The following BHLHE41 variants were observed in gnomAD, a reference collection of about 807,000 sequenced individuals.
BHLHE41 encodes the protein basic helix-loop-helix family member e41, also known as class E basic helix-loop-helix protein 41.
A neutral mutation model predicts 24.0 loss-of-function variants in BHLHE41; 14 were observed. The observed-to-expected ratio is 0.58, with a 90% confidence interval of 0.39 to 0.91. BHLHE41 has a LOEUF of 0.91. BHLHE41 is among the 40% of genes least tolerant of loss of function. The probability of loss-of-function intolerance (pLI) is 0.00; values close to 1 mark genes in which losing one functional copy is unlikely to be tolerated. For synonymous variants in BHLHE41, 394 were observed against 315.5 expected (o/e 1.25, Z -2.64); for missense variants, 674 against 655.4 (o/e 1.03, Z -0.31).
rs368925183 is a variant in BHLHE41 at position 26,122,032 on chromosome 12, C to G, written c.*34G>C. ...CTTAAGGGTATTTTAACTTCTCACT[C>G]TGCTTGAACCTCCGTCCTTCGGGAC... On this transcript the variant is annotated 3_prime_UTR_variant, in exon 5 of 5. Transcript: ENST00000242728. The G allele has an allele frequency of 5.2e-6, 8 of 1,548,224 alleles. No individual in the cohort carries two copies. The highest frequency in any genetic ancestry group is 7.0e-6 in the Non-Finnish European group (8 of 1,145,748).
In BHLHE41 at chr12:26,122,369, G is replaced by T. The variant is rs1944316627; in HGVS notation, c.1146C>A (p.Ala382=). Residue 382 remains alanine (A), a synonymous_variant, in exon 5 of 5, where the codon GCC becomes GCA. Transcript: ENST00000242728. ...CGGGGTATAGCAGCGGGAACGGGGC[G>T]GCAGCCGCCGCCGGGTACAGATACT... ...LEKYLYPAAA[A]APFPLLYPGI... 5.8e-6 allele frequency: 7 copies of T among 1,196,690 alleles called. No homozygotes were observed. Among genetic ancestry groups the T allele is most frequent in the African/African-American group, 3.2e-5 (2 of 62,094 alleles). The allele number at this position is 1,196,690 out of a possible 1,614,324, so 74.1% of individuals were successfully genotyped here. A position where few individuals can be genotyped will look rare whatever the true frequency, so the allele number is the denominator to read the frequency against.
chr12:26,122,847 C>G lies in BHLHE41; in HGVS notation c.668G>C (p.Arg223Pro), dbSNP rs1240463456. 1.3e-6 allele frequency: 2 copies of G among 1,574,502 alleles called. No homozygotes were observed. Among genetic ancestry groups the G allele is most frequent in the Non-Finnish European group, 1.7e-6 (2 of 1,162,612 alleles). ...PLAYCVPVIQ[R>P]TQPSAELAAE... ...GGCGAGCTCGGCGCTGGGCTGAGTC[C>G]GCTGGATGACGGGCACGCAGTAGGC... Residue 223 changes from arginine (R) to proline (P), a missense_variant, in exon 5 of 5, where the codon CGG (arginine) becomes CCG (proline). Physicochemically the swap from Arg to Pro is moderately radical, Grantham distance 103. This residue lies in a region of BHLHE41 where 602 missense variants were observed against 570.8 expected (regional missense o/e 1.05). Transcript: ENST00000242728.
chr12:26,124,755 G>A lies in BHLHE41; in HGVS notation c.25C>T (p.Gln9Ter). Reference sequence around the variant, plus strand: ...CTATGTTCCAGTAACTGTCTCTCTTGCAAATGAGGAATTCCTTCGTCCATG... The same window carrying A: ...CTATGTTCCAGTAACTGTCTCTCTTACAAATGAGGAATTCCTTCGTCCATG... MDEGIPHL[Q>*]ERQLLEHRDF... Residue 9 changes from glutamine to a stop codon, truncating the protein, a stop_gained, in exon 1 of 5, where the codon CAA becomes TAA. Transcript: ENST00000242728. LOFTEE classifies it high-confidence loss of function. 1 of 1,614,170 alleles carries A rather than the reference G, an allele frequency of 6.2e-7. No homozygotes were observed. Among genetic ancestry groups the A allele is most frequent in the Non-Finnish European group, 8.5e-7 (1 of 1,180,030 alleles).
intron 2 of BHLHE41, 47 bp downstream of exon 2, chr12:26,124,468 CTAAT>C (rs1421803332): frequency 1.9e-6 from 3 of 1,563,960 alleles, no homozygotes; most frequent in African/African-American, 1.4e-5. Flanking sequence ...ATCAATGGCT[CTAAT>C]TAACTACCCA....
chr12:26,123,200 G>T (rs781226873), intron 4 of BHLHE41, 32 bp from the exon 5 acceptor site: 1 of 1,544,644 alleles, frequency 6.5e-7, no homozygotes, highest in South Asian at 1.3e-5. Flanking sequence ...GGTGGGGGAC[G>T]GAGGAGTGGA....
In BHLHE41 at chr12:26,121,533, T is replaced by G. The variant is rs1330443746; in HGVS notation, c.*533A>C. The G allele has an allele frequency of 1.3e-5, 2 of 153,244 alleles. No homozygotes were observed. Among genetic ancestry groups the G allele is most frequent in the Non-Finnish European group, 2.9e-5 (2 of 68,498 alleles). 9.5% of individuals were successfully genotyped at this position (153,244 alleles called of 1,614,324 possible). A position where few individuals can be genotyped will look rare whatever the true frequency, so the allele number is the denominator to read the frequency against. On this transcript the variant is annotated 3_prime_UTR_variant, in exon 5 of 5. Transcript: ENST00000242728. ...GAGTAAATTCAATTCTAAAAGAGCC[T>G]CAATCTGTTTGTGGAACGCCTCCTA...
chr12:26,124,541 C>T lies in BHLHE41; in HGVS notation c.104G>A (p.Ser35Asn), dbSNP rs2137390092. ...SSLYMCKPKR[S>N]MKRDDTKDTY... ...TACCTTGGTGTCGTCTCGTTTCATG[C>T]TCCTTTTGGGTTTACACATATACAA... The change falls in exon 2 of 5, where the codon AGC becomes AAC. Residue 35 changes from serine (S) to asparagine (N), a missense_variant. Ser to Asn is a conservative substitution (Grantham distance 46). Coordinates refer to ENST00000242728, the MANE Select transcript of BHLHE41 (RefSeq NM_030762.3). 1 of 1,614,182 alleles carries T rather than the reference C, an allele frequency of 6.2e-7. No individual in the cohort carries two copies. The highest frequency in any genetic ancestry group is 8.5e-7 in the Non-Finnish European group (1 of 1,180,038).
Position 26,122,660 on chromosome 12 carries a change from G to A in BHLHE41, c.855C>T (p.Arg285=). The A allele has an allele frequency of 7.2e-7, 1 of 1,396,558 alleles. No individual in the cohort carries two copies. Among genetic ancestry groups the A allele is most frequent in the Non-Finnish European group, 9.3e-7 (1 of 1,071,620 alleles). The allele number at this position is 1,396,558 out of a possible 1,614,324, so 86.5% of individuals were successfully genotyped here. A position where few individuals can be genotyped will look rare whatever the true frequency, so the allele number is the denominator to read the frequency against. Residue 285 remains arginine, a synonymous_variant, in exon 5 of 5, where the codon CGC becomes CGT. Coordinates refer to ENST00000242728, the MANE Select transcript of BHLHE41 (RefSeq NM_030762.3). ...CCGGGCCGCCGCCGCTGCCGCCGCCGCGGGAATCCAGCTTCATCCTCTTGG... is the reference window on the plus strand; with the variant it reads ...CCGGGCCGCCGCCGCTGCCGCCGCCACGGGAATCCAGCTTCATCCTCTTGG... The part of the protein sequence containing the change: ...PAPKRMKLDS[R]GGGSGGGPGG...
Position 26,120,822 on chromosome 12 carries a change from A to AAAT in BHLHE41, c.*1241_*1243dup, listed in dbSNP as rs1944297664. The AAAT allele has an allele frequency of 6.5e-6, 1 of 152,684 alleles. No homozygotes were observed. Among genetic ancestry groups the AAAT allele is most frequent in the Non-Finnish European group, 1.5e-5 (1 of 68,044 alleles). 9.5% of individuals were successfully genotyped at this position (152,684 alleles called of 1,614,324 possible). A position where few individuals can be genotyped will look rare whatever the true frequency, so the allele number is the denominator to read the frequency against. The stretch of plus-strand genomic sequence containing the variant: ...CAGTGCTACCTTGGCAACAAACTAA[A>AAAT]AATATCTAGACAAGGTCTTGGTTTA... On this transcript the variant is annotated 3_prime_UTR_variant, in exon 5 of 5. Transcript: ENST00000242728.
Position 26,122,578 on chromosome 12 carries a change from C to A in BHLHE41, c.937G>T (p.Ala313Ser). ...GCGGCGTCGGGTCTCAGCAGCGCGG[C>A]CGCGGCGGCAGGGTCGGGCCCCAGA... is the stretch of plus-strand genomic sequence containing the variant. ...ALLGPDPAAAAALLRPDAALL... is the reference protein window; with the variant it reads ...ALLGPDPAAASALLRPDAALL... The change falls in exon 5 of 5, where the codon GCC (alanine) becomes TCC (serine). Residue 313 changes from alanine to serine, a missense_variant. By Grantham distance (99) the Ala-to-Ser change is moderately conservative. Around this residue, in one of 3 missense-constraint regions of BHLHE41, gnomAD observed 602 missense variants for 570.8 expected, o/e 1.05. Transcript: ENST00000242728. 9.0e-7 allele frequency: 1 copy of A among 1,114,480 alleles called. No homozygotes were observed. Among genetic ancestry groups the A allele is most frequent in the Non-Finnish European group, 1.1e-6 (1 of 914,222 alleles). The allele number at this position is 1,114,480 out of a possible 1,614,324, so 69.0% of individuals were successfully genotyped here. A position where few individuals can be genotyped will look rare whatever the true frequency, so the allele number is the denominator to read the frequency against.
At chr12:26,123,940 A>C in intron 3 of BHLHE41, 132 bp downstream of exon 3, 1 of 780,578 alleles carries the variant, frequency 1.3e-6, no homozygotes, top group South Asian at 1.5e-5. Flanking sequence ...GTTTGCGGGA[A>C]ACTCTGTACG....
rs746215715 is a variant in BHLHE41 at position 26,122,414 on chromosome 12, C to T, written c.1101G>A (p.Leu367=). The change falls in exon 5 of 5, where the codon CTG becomes CTA. Residue 367 remains leucine, a synonymous_variant. Transcript: ENST00000242728. ...GATACTTCTCCAGGCCGCTCTTGTC[C>T]AGGAAGGGCTGCACGTAGGCGGCAG... ...SAAAAYVQPF[L]DKSGLEKYLY... is the part of the protein sequence containing the mutation. 38 of 1,319,364 alleles carry T rather than the reference C, an allele frequency of 2.9e-5. No homozygotes were observed. Among genetic ancestry groups the T allele is most frequent in the Non-Finnish European group, 3.3e-5 (34 of 1,025,198 alleles). 81.7% of individuals were successfully genotyped at this position (1,319,364 alleles called of 1,614,324 possible).
Position 26,122,759 on chromosome 12 carries a change from G to A in BHLHE41, c.756C>T (p.Arg252=). The A allele has an allele frequency of 6.3e-7, 1 of 1,595,288 alleles. No homozygotes were observed. Residue 252 remains arginine (R), a synonymous_variant, in exon 5 of 5, where the codon CGC becomes CGT. Coordinates refer to ENST00000242728, the MANE Select transcript of BHLHE41 (RefSeq NM_030762.3). ...TCGCCCCCGCGCCTTTGCCTTTCTCGCGGTCCGGCCGGGCCTCGGCTTCGC... is the reference window on the plus strand; with the variant it reads ...TCGCCCCCGCGCCTTTGCCTTTCTCACGGTCCGGCCGGGCCTCGGCTTCGC... ...YGGEAEARPD[R]EKGKGAGASR...
intron 3 of BHLHE41, 61 bp from the exon 4 acceptor site, chr12:26,123,802 T>C (rs1218217479): frequency 1.2e-5 from 13 of 1,104,074 alleles, no homozygotes; most frequent in Middle Eastern, 3.9e-4. Flanking sequence ...TTTGGCTTAA[T>C]TGGCTGTCCA....
At position 26,124,105 on chromosome 12, in the gene BHLHE41, C is replaced by T; in HGVS notation, c.201G>A (p.Leu67=). The change falls in exon 3 of 5, where the codon CTG becomes CTA. Residue 67 remains leucine (L), a synonymous_variant. Transcript: ENST00000242728. ...RDRINECIAQ[L]KDLLPEHLKL... ...TCAGATGTTCAGGCAGTAAATCTTT[C>T]AGCTGAGCAATGCATTCATTAATTC... The T allele has an allele frequency of 6.2e-7, 1 of 1,612,662 alleles. No individual in the cohort carries two copies. Among genetic ancestry groups the T allele is most frequent in the Non-Finnish European group, 8.5e-7 (1 of 1,178,700 alleles).
chr12:26,124,253 G>GCC (rs5797164), intron 2 of BHLHE41, 74 bp from the exon 3 acceptor site: 131 of 787,490 alleles, frequency 1.7e-4, no homozygotes, highest in South Asian at 4.3e-4. Context: ...ACCCTCGTCT[G>GCC]CCCCCCCCGC....
In BHLHE41 at chr12:26,122,894, C is replaced by A. The variant is rs61754129; in HGVS notation, c.621G>T (p.Ala207=). The change falls in exon 5 of 5, where the codon GCG becomes GCT. Residue 207 remains alanine, a synonymous_variant. Coordinates refer to ENST00000242728, the MANE Select transcript of BHLHE41 (RefSeq NM_030762.3). ...AGGCGAGGGGCTCCAGCTTCTGCCCCGCGCGCTCCAGGCAGGGGGCGGCCG... is the reference window on the plus strand; with the variant it reads ...AGGCGAGGGGCTCCAGCTTCTGCCCAGCGCGCTCCAGGCAGGGGGCGGCCG... ...GSAAAPCLER[A]GQKLEPLAYC... is the part of the protein sequence containing the mutation. The A allele has an allele frequency of 1.9e-5, 29 of 1,550,682 alleles. No homozygotes were observed. The highest frequency in any genetic ancestry group is 1.1e-4 in the African/African-American group (8 of 72,954).
At chr12:26,123,250 C>A in intron 4 of BHLHE41, 82 bp from the exon 5 acceptor site, 1 of 1,462,968 alleles carries the variant, frequency 6.8e-7, no homozygotes, top group Non-Finnish European at 9.1e-7. Flanking sequence ...ATCTGCTTAT[C>A]ACGTGGGCCC....
chr12:26,124,813 T>G lies in BHLHE41; in HGVS notation c.-34A>C. 6.2e-7 allele frequency: 1 copy of G among 1,609,764 alleles called. No individual in the cohort carries two copies. The highest frequency in any genetic ancestry group is 8.5e-7 in the Non-Finnish European group (1 of 1,176,172). ...GCTGTTCGTTTCCTCTGTTTCGATT[T>G]TTGGGGCTCTGTACAATAATCTGTG... On this transcript the variant is annotated 5_prime_UTR_variant, in exon 1 of 5. Transcript: ENST00000242728.
Sources: gnomAD v4.1 joint callset for allele counts on GRCh38, gnomAD v4.1.1 for gene constraint, gnomAD v4.1.1 regional missense constraint, MANE v1.5 for transcripts, NCBI Gene and HGNC (gene_info 2026-07-23, HGNC 2026-07-21) for gene names.